The following SLC44A5 variants were observed in gnomAD, a reference collection of about 807,000 sequenced individuals.
SLC44A5 encodes solute carrier family 44 member 5.
In SLC44A5, 57 loss-of-function variants were observed where a neutral mutation model predicts 101.8. The observed-to-expected ratio is 0.56, with a 90% CI of 0.45 to 0.70. SLC44A5 has a LOEUF of 0.70. SLC44A5 is among the 30% of genes least tolerant of loss of function. The pLI, the probability that SLC44A5 is intolerant of heterozygous loss-of-function variation, is 0.00. For missense variants in SLC44A5, 737 were observed against 853.1 expected (o/e 0.86, Z 1.70); for synonymous variants, 281 against 290.9 (o/e 0.97, Z 0.35).
intron 2 of SLC44A5, among the ~76,000 whole-genome samples, chr1:75,494,228 C>A (rs948429455): frequency 6.6e-6 from 1 of 152,148 alleles, no homozygotes; most frequent in African/African-American, 2.4e-5. Context: ...TTCCCAGCCT[C>A]CAGAACTGTG....
At chr1:75,647,186 G>A in the SLC44A5 span, among the ~76,000 whole-genome samples, 4 of 152,142 alleles carry the variant, frequency 2.6e-5, no homozygotes, top group African/African-American at 9.7e-5. Context: ...GGCTAAAAGG[G>A]GCCAACATAT....
intron 3 of SLC44A5, among the ~76,000 whole-genome samples, chr1:75,369,055 C>T (rs1481425074): frequency 1.3e-5 from 2 of 151,874 alleles, no homozygotes; most frequent in Admixed American, 1.3e-4. Context: ...CTCTGTCACT[C>T]AGGCTGAAAT....
chr1:75,283,993 T>G (rs1012110167), intron 5 of SLC44A5, among the ~76,000 whole-genome samples: 2 of 152,152 alleles, frequency 1.3e-5, no homozygotes, highest in Admixed American at 6.5e-5. Flanking sequence ...CAGGCTCCTT[T>G]TTGATTCCAT....
At chr1:75,302,324 G>A (rs1036490702) in intron 4 of SLC44A5, among the ~76,000 whole-genome samples, 4 of 151,826 alleles carry the variant, frequency 2.6e-5, no homozygotes, top group Middle Eastern at 3.2e-3. Context: ...GCATAGATGT[G>A]CTTTAATTAG....
intron 3 of SLC44A5, among the ~76,000 whole-genome samples, chr1:75,369,895 C>T (rs1660116217): frequency 6.6e-6 from 1 of 152,144 alleles, no homozygotes; most frequent in Non-Finnish European, 1.5e-5. Context: ...CATTGCTTGG[C>T]CTTGAAACTT....
chr1:75,487,871 C>A (rs1173273383), intron 2 of SLC44A5, among the ~76,000 whole-genome samples: 1 of 152,182 alleles, frequency 6.6e-6, no homozygotes, highest in Non-Finnish European at 1.5e-5. Context: ...GAGGGGTGAG[C>A]AGCAGGTGAG....
chr1:75,665,486 C>T, the SLC44A5 span, among the ~76,000 whole-genome samples: 1 of 152,092 alleles, frequency 6.6e-6, no homozygotes, highest in Non-Finnish European at 1.5e-5. Flanking sequence ...TGTAAGATCT[C>T]AAACTATAAA....
intron 6 of SLC44A5, among the ~76,000 whole-genome samples, chr1:75,262,639 T>C (rs1650622161): frequency 6.6e-6 from 1 of 152,090 alleles, no homozygotes; most frequent in Non-Finnish European, 1.5e-5. Context: ...TACTTAAAAG[T>C]TCATATGGAA....
At chr1:75,707,573 G>A in the SLC44A5 span, among the ~76,000 whole-genome samples, 1,894 of 152,308 alleles carry the variant, frequency 0.012, 17 homozygotes, top group Non-Finnish European at 0.02. Flanking sequence ...TGACCTTTGA[G>A]AAGGTTTGCG....
At chr1:75,602,267 T>C (rs1675023680) in intron 1 of SLC44A5, among the ~76,000 whole-genome samples, 1 of 152,150 alleles carries the variant, frequency 6.6e-6, no homozygotes, top group South Asian at 2.1e-4. Context: ...AGTTAAAACA[T>C]AGGGAGCCTT....
chr1:75,313,313 T>C (rs562050596), intron 4 of SLC44A5, among the ~76,000 whole-genome samples: 8 of 152,356 alleles, frequency 5.3e-5, no homozygotes, highest in African/African-American at 1.7e-4. Context: ...ACGATGGTTA[T>C]GGATCATTTC....
the SLC44A5 span, among the ~76,000 whole-genome samples, chr1:75,626,704 T>A: frequency 2.0e-5 from 3 of 152,142 alleles, no homozygotes; most frequent in Admixed American, 6.6e-5. Flanking sequence ...CAACGCCACT[T>A]TTAACTTTAA....
At chr1:75,440,872 G>A (rs932046294) in intron 2 of SLC44A5, among the ~76,000 whole-genome samples, 9 of 151,658 alleles carry the variant, frequency 5.9e-5, no homozygotes, top group African/African-American at 1.9e-4. Flanking sequence ...AAGAAAACTC[G>A]AAATTTAAGA....
chr1:75,716,243 G>T, the SLC44A5 span, among the ~76,000 whole-genome samples: 1 of 152,142 alleles, frequency 6.6e-6, no homozygotes, highest in Admixed American at 6.5e-5. Flanking sequence ...ACTTTGGGAG[G>T]CCGAGGTGGA....
chr1:75,537,033 A>AAAAAAATATATATATAT lies in SLC44A5; in HGVS notation c.13+4401_13+4402insATATATATATATTTTTT, dbSNP rs35829590. Among the ~76,000 whole-genome samples, 241 of 42,740 alleles carry AAAAAAATATATATATAT rather than the reference A, an allele frequency of 5.6e-3. 16 individuals carry two copies. The highest frequency in any genetic ancestry group is 0.01 in the Non-Finnish European group (176 of 17,106). 28.0% of individuals were successfully genotyped at this position (42,740 alleles called of 152,430 possible). A position where few individuals can be genotyped will look rare whatever the true frequency, so the allele number is the denominator to read the frequency against. On this transcript the variant is annotated intron_variant, in intron 2 of 23. Coordinates refer to ENST00000370859, the MANE Select transcript of SLC44A5 (RefSeq NM_001130058.2). Reference sequence around the variant, plus strand: ...AAAAAAAAAAAAAAAAAAAAAAAAAAATATATATCTATGCCAAATGATTCT... The same window carrying AAAAAAATATATATATAT: ...AAAAAAAAAAAAAAAAAAAAAAAAAAAAAAAATATATATATATATATATATCTATGCCAAATGATTCT...
Position 75,325,457 on chromosome 1 carries a change from T to C in SLC44A5, c.101+14125A>G, listed in dbSNP as rs150044957. Among the ~76,000 whole-genome samples the C allele has an allele frequency of 6.9e-3, 1,044 of 152,302 alleles. 19 individuals carry two copies. The highest frequency in any genetic ancestry group is 0.023 in the African/African-American group (973 of 41,560). On this transcript the variant is annotated intron_variant, in intron 4 of 23. Coordinates refer to ENST00000370859, the MANE Select transcript of SLC44A5 (RefSeq NM_001130058.2). ...GATTTTTATATATACATATATACAG[T>C]ATACAGTAGTCTTGCCTTATCCACA... is the stretch of plus-strand genomic sequence containing the variant.
At chr1:75,424,865 C>T (rs1047682364) in intron 2 of SLC44A5, among the ~76,000 whole-genome samples, 4 of 152,006 alleles carry the variant, frequency 2.6e-5, no homozygotes, top group Non-Finnish European at 5.9e-5. Context: ...ATTTAGTGAG[C>T]CAACTGTATT....
At chr1:75,678,513 A>T in the SLC44A5 span, among the ~76,000 whole-genome samples, 1 of 150,918 alleles carries the variant, frequency 6.6e-6, no homozygotes, top group African/African-American at 2.4e-5. Context: ...CTGACACCTC[A>T]CACTGCAGGG....
Position 75,365,229 on chromosome 1 carries a change from G to A in SLC44A5, c.53-25599C>T, listed in dbSNP as rs1487105943. 2.0e-5 allele frequency among the ~76,000 whole-genome samples: 3 copies of A among 152,098 alleles called. 1 individual carries two copies. Among genetic ancestry groups the A allele is most frequent in the Non-Finnish European group, 4.4e-5 (3 of 68,002 alleles). ...GCAGGTTTGTTACATAGGCAAATGT[G>A]TGTCAAGGGGGTTGGCTGTACAGAT... On this transcript the variant is annotated intron_variant, in intron 3 of 23. Transcript: ENST00000370859.
Sources: gnomAD v4.1 joint callset for allele counts (sites outside exome capture counted in the v4.1 genomes callset) on GRCh38, gnomAD v4.1.1 for gene constraint, MANE v1.5 for transcripts, NCBI Gene and HGNC (gene_info 2026-07-23, HGNC 2026-07-21) for gene names.